The following SRGAP3 variants were observed in gnomAD, a reference collection of about 807,000 sequenced individuals.
SRGAP3 encodes SLIT-ROBO Rho GTPase-activating protein 3.
A neutral mutation model predicts 121.1 loss-of-function variants in SRGAP3; 39 were observed. The ratio of observed to expected loss-of-function variants is 0.32; its 90% CI spans 0.25 to 0.42. The LOEUF (loss-of-function observed/expected upper bound fraction) is 0.42. Among genes scored for constraint, SRGAP3 ranks in the 10% least tolerant of loss-of-function variants. SRGAP3 has a pLI of 1.00. For missense variants in SRGAP3, 1,213 were observed against 1,470.6 expected (o/e 0.82, Z 2.86); for synonymous variants, 601 against 570.0 (o/e 1.05, Z -0.77).
intron 1 of SRGAP3, among the ~76,000 whole-genome samples, chr3:9,240,714 A>G (rs888900334): frequency 6.6e-6 from 1 of 152,178 alleles, no homozygotes; most frequent in African/African-American, 2.4e-5. Context: ...CATCTGAAAA[A>G]CAAATAGAGT....
chr3:9,139,723 G>A (rs188518621), intron 1 of SRGAP3, among the ~76,000 whole-genome samples: 34 of 152,294 alleles, frequency 2.2e-4, no homozygotes, highest in Admixed American at 2.0e-4. Context: ...TGTGCATTGC[G>A]CCACTCTGAA....
chr3:9,243,478 T>C (rs565492821), intron 1 of SRGAP3, among the ~76,000 whole-genome samples: 2 of 151,750 alleles, frequency 1.3e-5, no homozygotes, highest in African/African-American at 4.8e-5. Flanking sequence ...CTACTGAAAA[T>C]ACAAAAATTA....
At chr3:9,219,990 A>G (rs1952755491) in intron 1 of SRGAP3, among the ~76,000 whole-genome samples, 1 of 152,144 alleles carries the variant, frequency 6.6e-6, no homozygotes. Flanking sequence ...TGTTGATCTC[A>G]TGGAGGTAGA....
At chr3:9,092,131 C>A (rs1947783809) in intron 3 of SRGAP3, among the ~76,000 whole-genome samples, 1 of 152,020 alleles carries the variant, frequency 6.6e-6, no homozygotes, top group African/African-American at 2.4e-5. Flanking sequence ...CCTTTCCCTG[C>A]AATTACTCCC....
In SRGAP3 at chr3:8,981,584, TG is replaced by T. The variant is rs1574838928; in HGVS notation, c.*3934del. 8.6e-6 allele frequency: 2 copies of T among 232,976 alleles called. No individual in the cohort carries two copies. Among genetic ancestry groups the T allele is most frequent in the Non-Finnish European group, 1.7e-5 (2 of 117,556 alleles). 14.4% of individuals were successfully genotyped at this position (232,976 alleles called of 1,614,324 possible). On this transcript the variant is annotated 3_prime_UTR_variant, in exon 22 of 22. Transcript: ENST00000383836. Reference sequence around the variant, plus strand: ...AGAAGTCCTCCACATTCGTGCCTCCTGAATGACAGAGAAATATACCCAACAA... The same window carrying T: ...AGAAGTCCTCCACATTCGTGCCTCCTAATGACAGAGAAATATACCCAACAA...
At chr3:9,258,838 T>A (rs1235520175) in intron 3 of SRGAP3, among the ~76,000 whole-genome samples, 1 of 152,212 alleles carries the variant, frequency 6.6e-6, no homozygotes, top group South Asian at 2.1e-4. Flanking sequence ...TGCTGGTCCC[T>A]CTGTCTCTGA....
Position 9,124,833 on chromosome 3 carries a change from T to C in SRGAP3, c.152A>G (p.Glu51Gly). ...SRLQLLQDLQ[E>G]FFRRKAEIEL... The stretch of plus-strand genomic sequence containing the variant: ...AATCTCAGCTTTCCGGCGGAAAAAC[T>C]CCTGGAGGTCTTGAAGCAGCTGCAG... The change falls in exon 2 of 22, where the codon GAG (glutamate) becomes GGG (glycine). Residue 51 changes from glutamate (E) to glycine (G), a missense_variant. Coordinates refer to ENST00000383836, the MANE Select transcript of SRGAP3 (RefSeq NM_014850.4). The C allele has an allele frequency of 6.2e-7, 1 of 1,614,188 alleles. No individual in the cohort carries two copies. Among genetic ancestry groups the C allele is most frequent in the Non-Finnish European group, 8.5e-7 (1 of 1,180,048 alleles).
At chr3:9,120,739 A>G (rs1306170466) in intron 2 of SRGAP3, among the ~76,000 whole-genome samples, 4 of 152,226 alleles carry the variant, frequency 2.6e-5, no homozygotes, top group Admixed American at 2.6e-4. Flanking sequence ...GTGCTTTGAA[A>G]GAGGTTTGTT....
At position 9,132,960 on chromosome 3, in the gene SRGAP3, T is replaced by C. The variant is rs144657190; in HGVS notation, c.68-8043A>G. 4.3e-4 allele frequency among the ~76,000 whole-genome samples: 65 copies of C among 151,208 alleles called. 3 individuals are homozygous for C. The East Asian group carries it at 0.011, about 27-fold the overall frequency. ...CTCTCGCAAAACAACCAAACTACCATGATCGTGTGCATCATTCCAGAAATA... is the reference window on the plus strand; with the variant it reads ...CTCTCGCAAAACAACCAAACTACCACGATCGTGTGCATCATTCCAGAAATA... On this transcript the variant is annotated intron_variant, in intron 1 of 21. Coordinates refer to ENST00000383836, the MANE Select transcript of SRGAP3 (RefSeq NM_014850.4).
At chr3:9,149,995 G>A (rs1950162416) in intron 1 of SRGAP3, among the ~76,000 whole-genome samples, 1 of 152,052 alleles carries the variant, frequency 6.6e-6, no homozygotes, top group Admixed American at 6.5e-5. Context: ...AAACAGTGGT[G>A]GGCAAAGAAC....
At chr3:8,995,228 T>C (rs1289990268) in intron 18 of SRGAP3, among the ~76,000 whole-genome samples, 2 of 152,156 alleles carry the variant, frequency 1.3e-5, no homozygotes, top group African/African-American at 2.4e-5. Context: ...GCCCAACACT[T>C]CGGGAGGCTG....
chr3:9,244,461 CA>C (rs1196402360), intron 1 of SRGAP3, among the ~76,000 whole-genome samples: 5 of 150,122 alleles, frequency 3.3e-5, no homozygotes, highest in South Asian at 4.2e-4. Context: ...GCACCAAAGT[CA>C]ATCATTGCAT....
intron 1 of SRGAP3, among the ~76,000 whole-genome samples, chr3:9,141,018 T>C (rs1232987597): frequency 6.6e-6 from 1 of 152,196 alleles, no homozygotes; most frequent in East Asian, 1.9e-4. Context: ...GAACACAAGA[T>C]CTGACAAAAT....
At chr3:9,356,205 T>C (rs1267102908) in intron 1 of SRGAP3, among the ~76,000 whole-genome samples, 6 of 144,432 alleles carry the variant, frequency 4.2e-5, no homozygotes, top group East Asian at 3.9e-4. Flanking sequence ...TTTTTTTTTT[T>C]TTTTTTGAGA....
At chr3:9,317,287 A>G (rs917613649) in intron 3 of SRGAP3, among the ~76,000 whole-genome samples, 1 of 152,204 alleles carries the variant, frequency 6.6e-6, no homozygotes, top group Non-Finnish European at 1.5e-5. Flanking sequence ...AAACAGGGAA[A>G]TATTTCGGCC....
intron 3 of SRGAP3, among the ~76,000 whole-genome samples, chr3:9,288,386 C>T (rs1282015953): frequency 6.6e-6 from 1 of 151,994 alleles, no homozygotes; most frequent in African/African-American, 2.4e-5. Context: ...ATCTGCCCAC[C>T]TCAGCCTCCC....
At chr3:9,146,956 C>T (rs1261756958) in intron 1 of SRGAP3, among the ~76,000 whole-genome samples, 1 of 152,146 alleles carries the variant, frequency 6.6e-6, no homozygotes, top group Non-Finnish European at 1.5e-5. Context: ...CAGAAATGGA[C>T]CCCCTCCACG....
intron 1 of SRGAP3, among the ~76,000 whole-genome samples, chr3:9,240,518 G>C (rs772456287): frequency 6.6e-6 from 1 of 152,014 alleles, no homozygotes; most frequent in Non-Finnish European, 1.5e-5. Context: ...GTACTACTCA[G>C]CTCTGCCTCC....
At chr3:9,100,205 G>GT (rs1948162900) in intron 3 of SRGAP3, among the ~76,000 whole-genome samples, 1 of 152,204 alleles carries the variant, frequency 6.6e-6, no homozygotes, top group South Asian at 2.1e-4. Flanking sequence ...TCTGTTCTGA[G>GT]TTTTTTCCTT....
Sources: allele counts gnomAD v4.1 joint callset (sites outside exome capture counted in the v4.1 genomes callset), GRCh38; gene constraint gnomAD v4.1.1; transcripts MANE v1.5; gene names NCBI Gene and HGNC (gene_info 2026-07-23, HGNC 2026-07-21).